Variants in TIMM44 observed in about 807,000 individuals in gnomAD.
TIMM44 encodes translocase of inner mitochondrial membrane 44, also known as mitochondrial import inner membrane translocase subunit TIM44.
Under a neutral mutation model 63.8 loss-of-function variants are expected in TIMM44, and 37 were observed. That is an observed-to-expected ratio of 0.58 (90% CI 0.45 to 0.76). TIMM44 has a LOEUF of 0.76. Ranked by LOEUF, TIMM44 falls within the 30% of genes least tolerant of loss-of-function variation. The pLI, the probability that TIMM44 is intolerant of heterozygous loss-of-function variation, is 0.00. For missense variants in TIMM44, 573 were observed against 603.8 expected (o/e 0.95, Z 0.54); for synonymous variants, 239 against 245.1 (o/e 0.98, Z 0.23).
chr19:7,933,741 A>C lies in TIMM44; in HGVS notation c.683+123T>G. ...ACCCTCAAATTCGAGGGAGCCGGGAACCTTGGGCAGAAGGCAAACTCAAGA... is the reference window on the plus strand; with the variant it reads ...ACCCTCAAATTCGAGGGAGCCGGGACCCTTGGGCAGAAGGCAAACTCAAGA... On this transcript the variant is annotated intron_variant, in intron 6 of 12. Transcript: ENST00000270538. This position sits in a 1 kb window ranked among gnomAD's most constrained non-coding sequence, Gnocchi z 4.3. The C allele has an allele frequency of 6.7e-7, 1 of 1,482,152 alleles. No homozygotes were observed. The highest frequency in any genetic ancestry group is 9.4e-7 in the Non-Finnish European group (1 of 1,068,794). The allele number at this position is 1,482,152 out of a possible 1,614,324, so 91.8% of individuals were successfully genotyped here.
intron 2 of TIMM44, among the ~76,000 whole-genome samples, chr19:7,940,315 C>T (rs1002577708): frequency 1.3e-5 from 2 of 152,020 alleles, no homozygotes; most frequent in African/African-American, 4.8e-5. Flanking sequence ...ATTCAGATGC[C>T]ACCCTGGCCA....
chr19:7,930,266 T>C (rs1328334718), intron 10 of TIMM44, among the ~76,000 whole-genome samples: 2 of 150,938 alleles, frequency 1.3e-5, no homozygotes, highest in African/African-American at 2.4e-5. Context: ...GCCTCCCTAA[T>C]AGCTGGGACA....
At chr19:7,931,321 G>A (rs1051535198) in intron 9 of TIMM44, 133 bp from the exon 10 acceptor site, 28 of 815,968 alleles carry the variant, frequency 3.4e-5, no homozygotes, top group South Asian at 1.4e-4. Context: ...CCTGTGGGGC[G>A]CGGGTGGAGC....
intron 1 of TIMM44, among the ~76,000 whole-genome samples, chr19:7,941,405 A>G (rs1174073136): frequency 6.6e-6 from 1 of 151,044 alleles, no homozygotes; most frequent in Non-Finnish European, 1.5e-5. Flanking sequence ...CTCCTGCCTC[A>G]GTCTCCCGAG....
In TIMM44 at chr19:7,932,792, G is replaced by A. The variant is rs756258513; in HGVS notation, c.863-41C>T. 5 of 1,614,056 alleles carry A rather than the reference G, an allele frequency of 3.1e-6. No homozygotes were observed. The Admixed American group carries it at 5.0e-5, about 16-fold the overall frequency. ...CCGGGAGTTCGGGGGGAAGGCCGGG[G>A]ACCCCGCCCCACCACCAGCCTGCGA... On this transcript the variant is annotated intron_variant, in intron 8 of 12. Transcript: ENST00000270538.
At chr19:7,928,867 G>A (rs767571245) in intron 10 of TIMM44, 1 of 147,660 alleles carries the variant, frequency 6.8e-6, no homozygotes, top group Non-Finnish European at 1.5e-5. Context: ...GCAGCTCCCT[G>A]GCAAAGCGAG....
intron 11 of TIMM44, 44 bp from the exon 12 acceptor site, chr19:7,927,811 C>G: frequency 1.3e-6 from 2 of 1,585,316 alleles, no homozygotes; most frequent in East Asian, 2.2e-5. Context: ...GAGGACAGCC[C>G]GGCTGCTCCC....
At chr19:7,942,907 G>C (rs1984349911) in intron 1 of TIMM44, among the ~76,000 whole-genome samples, 1 of 150,414 alleles carries the variant, frequency 6.6e-6, no homozygotes, top group Non-Finnish European at 1.5e-5. Flanking sequence ...TCGAACTCCT[G>C]ACCTCAGGTG....
chr19:7,938,504 C>G (rs140141363), intron 2 of TIMM44, among the ~76,000 whole-genome samples: 1 of 152,082 alleles, frequency 6.6e-6, no homozygotes, highest in East Asian at 1.9e-4. Context: ...CTGGGCAACA[C>G]AGCACCCTAT....
intron 12 of TIMM44, 104 bp from the exon 13 acceptor site, chr19:7,927,410 C>T: frequency 7.0e-7 from 1 of 1,436,334 alleles, no homozygotes; most frequent in Non-Finnish European, 9.7e-7. Flanking sequence ...GGCAACTTCC[C>T]CAGGGGCTGG....
At chr19:7,930,303 CTTT>C (rs71179159) in intron 10 of TIMM44, among the ~76,000 whole-genome samples, 17 of 109,498 alleles carry the variant, frequency 1.6e-4, no homozygotes, top group African/African-American at 4.8e-4. Context: ...ATGCTTGGCT[CTTT>C]TTTTTTTTTT....
intron 3 of TIMM44, among the ~76,000 whole-genome samples, chr19:7,935,412 G>A (rs1007957846): frequency 3.9e-5 from 6 of 152,212 alleles, no homozygotes; most frequent in Admixed American, 3.3e-4. Context: ...TGATCCACCC[G>A]CCTCGGCCTC....
chr19:7,928,318 G>C, intron 10 of TIMM44, 152 bp from the exon 11 acceptor site: 1 of 637,942 alleles, frequency 1.6e-6, no homozygotes, highest in Non-Finnish European at 2.8e-6. Flanking sequence ...GGGGAGGCAG[G>C]TGCCACCCAC....
Position 7,943,553 on chromosome 19 carries a change from C to G in TIMM44, c.45+54G>C. Reference sequence around the variant, plus strand: ...GGTCTGAGAAGAAAGCCTTGGTGGCCGAAGGCCCAGAAGACCCCTAAGCTC... The same window carrying G: ...GGTCTGAGAAGAAAGCCTTGGTGGCGGAAGGCCCAGAAGACCCCTAAGCTC... On this transcript the variant is annotated intron_variant, in intron 1 of 12. Transcript: ENST00000270538. This position sits in a 1 kb window ranked among gnomAD's most constrained non-coding sequence, Gnocchi z 4.3. The G allele has an allele frequency of 6.4e-7, 1 of 1,550,650 alleles. No homozygotes were observed. Among genetic ancestry groups the G allele is most frequent in the Non-Finnish European group, 8.7e-7 (1 of 1,152,500 alleles).
Position 7,933,632 on chromosome 19 carries a change from C to A in TIMM44, c.684-62G>T. 3 of 1,474,326 alleles carry A rather than the reference C, an allele frequency of 2.0e-6. No homozygotes were observed. The South Asian group carries it at 3.4e-5, about 17-fold the overall frequency. 91.3% of individuals were successfully genotyped at this position (1,474,326 alleles called of 1,614,324 possible). Reference sequence around the variant, plus strand: ...GCCAGGGCCACCCTGTGCCCTCCTGCGGCTGCAGGCAGGGGGCAGTACAGG... The same window carrying A: ...GCCAGGGCCACCCTGTGCCCTCCTGAGGCTGCAGGCAGGGGGCAGTACAGG... On this transcript the variant is annotated intron_variant, in intron 6 of 12. Transcript: ENST00000270538. This position sits in a 1 kb window ranked among gnomAD's most constrained non-coding sequence, Gnocchi z 4.3.
chr19:7,934,008 G>T lies in TIMM44; in HGVS notation c.544-5C>A. 6.2e-7 allele frequency: 1 copy of T among 1,613,864 alleles called. No homozygotes were observed. Among genetic ancestry groups the T allele is most frequent in the Non-Finnish European group, 8.5e-7 (1 of 1,179,996 alleles). On this transcript the variant is annotated splice_polypyrimidine_tract_variant and splice_region_variant and intron_variant, in intron 5 of 12. Transcript: ENST00000270538. This position sits in a 1 kb window ranked among gnomAD's most constrained non-coding sequence, Gnocchi z 5.3. Reference sequence around the variant, plus strand: ...CTTCTTCACGGACTCCACCCCCTGCGAGGGAGGCACAGCGGGGCTGGGGTG... The same window carrying T: ...CTTCTTCACGGACTCCACCCCCTGCTAGGGAGGCACAGCGGGGCTGGGGTG...
In TIMM44 at chr19:7,934,290, G is replaced by A; in HGVS notation, c.394-52C>T. On this transcript the variant is annotated intron_variant, in intron 4 of 12. Coordinates refer to ENST00000270538, the MANE Select transcript of TIMM44 (RefSeq NM_006351.4). This position sits in a 1 kb window ranked among gnomAD's most constrained non-coding sequence, Gnocchi z 5.3. Reference sequence around the variant, plus strand: ...CGTTGGCACCGGCCCTGGCGGCCGGGGGGCGGGGCAGGAGGAATGAATTCC... The same window carrying A: ...CGTTGGCACCGGCCCTGGCGGCCGGAGGGCGGGGCAGGAGGAATGAATTCC... The A allele has an allele frequency of 1.9e-6, 3 of 1,601,676 alleles. No individual in the cohort carries two copies. Among genetic ancestry groups the A allele is most frequent in the Non-Finnish European group, 8.5e-7 (1 of 1,177,928 alleles).
rs914330392 is a variant in TIMM44, at chr19:7,934,937, G to A, written c.393+128C>T. Reference sequence around the variant, plus strand: ...GAACTCCTGAAACCTTCCCGAGGGTGGCAGCACGCCCCATGCCACCCACTG... The same window carrying A: ...GAACTCCTGAAACCTTCCCGAGGGTAGCAGCACGCCCCATGCCACCCACTG... On this transcript the variant is annotated intron_variant, in intron 4 of 12. Transcript: ENST00000270538. The surrounding 1 kb of genome is among the most constrained non-coding windows in gnomAD (Gnocchi z 5.3). The A allele has an allele frequency of 8.6e-6, 7 of 810,290 alleles. No homozygotes were observed. The African/African-American group carries it at 1.0e-4, about 12-fold the overall frequency. 50.2% of individuals were successfully genotyped at this position (810,290 alleles called of 1,614,324 possible).
intron 3 of TIMM44, among the ~76,000 whole-genome samples, chr19:7,935,800 A>G (rs1203271162): frequency 6.6e-6 from 1 of 151,986 alleles, no homozygotes; most frequent in African/African-American, 2.4e-5. Flanking sequence ...GCTTGGTCTT[A>G]TGTCTCCCGC....
Sources: allele counts gnomAD v4.1 joint callset (sites outside exome capture counted in the v4.1 genomes callset), GRCh38; gene constraint gnomAD v4.1.1; non-coding constraint Gnocchi (gnomAD v3.1); transcripts MANE v1.5; gene names NCBI Gene and HGNC (gene_info 2026-07-23, HGNC 2026-07-21).